The following ALPK1 variants were observed in gnomAD, a reference collection of about 807,000 sequenced individuals.
ALPK1 encodes alpha kinase 1, also known as alpha-protein kinase 1.
A neutral mutation model predicts 120.6 loss-of-function variants in ALPK1; 110 were observed. The observed-to-expected ratio is 0.91, with a 90% CI of 0.78 to 1.07. The LOEUF is 1.07. ALPK1 is among the 50% of genes least tolerant of loss of function. The probability of loss-of-function intolerance (pLI) is 0.00; values close to 1 mark genes in which losing one functional copy is unlikely to be tolerated. For missense variants in ALPK1, 1,498 were observed against 1,483.9 expected (o/e 1.01, Z -0.16); for synonymous variants, 582 against 560.3 (o/e 1.04, Z -0.55).
chr4:112,423,778 C>G (rs1270240146), intron 5 of ALPK1, 166 bp from the exon 6 acceptor site: 5 of 742,108 alleles, frequency 6.7e-6, no homozygotes, highest in Non-Finnish European at 1.2e-5. Flanking sequence ...TCTTTCTTTT[C>G]AGTTTTATAG....
chr4:112,437,205 T>G (rs1734823792), intron 12 of ALPK1, among the ~76,000 whole-genome samples: 1 of 152,192 alleles, frequency 6.6e-6, no homozygotes, highest in Non-Finnish European at 1.5e-5. Context: ...TACAGCTGGT[T>G]TCTTCATAGC....
chr4:112,323,988 T>G (rs1242822788), intron 2 of ALPK1, among the ~76,000 whole-genome samples: 1 of 152,196 alleles, frequency 6.6e-6, no homozygotes, highest in Admixed American at 6.5e-5. Context: ...TTGTCTCTAT[T>G]GCAGCCAAGG....
intron 2 of ALPK1, among the ~76,000 whole-genome samples, chr4:112,345,940 T>C (rs1214278028): frequency 6.6e-6 from 1 of 152,242 alleles, no homozygotes; most frequent in Non-Finnish European, 1.5e-5. Flanking sequence ...CTCGGCTCAC[T>C]GCAACCTTTG....
rs796227732 is a variant in ALPK1 at position 112,380,722 on chromosome 4, AG to A, written c.122-1673del. The stretch of plus-strand genomic sequence containing the variant: ...ATAGATGATATAAAAATATTTTCAA[AG>A]GGCCAGCTAGAAGATGAACCTTGTC... On this transcript the variant is annotated intron_variant, in intron 3 of 15. Coordinates refer to ENST00000650871, the MANE Select transcript of ALPK1 (RefSeq NM_025144.4). Among the ~76,000 whole-genome samples the A allele has an allele frequency of 4.6e-5, 7 of 152,266 alleles. 1 individual carries two copies. Among genetic ancestry groups the A allele is most frequent in the African/African-American group, 1.7e-4 (7 of 41,556 alleles).
intron 5 of ALPK1, among the ~76,000 whole-genome samples, chr4:112,423,572 T>G (rs1355852963): frequency 1.3e-5 from 2 of 152,180 alleles, no homozygotes; most frequent in Non-Finnish European, 2.9e-5. Context: ...ATTCCATAAC[T>G]AGTTCCTGTC....
intron 15 of ALPK1, 26 bp downstream of exon 15, chr4:112,441,131 TAATGTGAC>T (rs1560692719): frequency 1.2e-6 from 2 of 1,613,964 alleles, no homozygotes; most frequent in Non-Finnish European, 1.7e-6. Context: ...TATGGATTGG[TAATGTGAC>T]AGACCTTAGT....
At chr4:112,342,067 AT>A (rs1729886361) in intron 2 of ALPK1, among the ~76,000 whole-genome samples, 1 of 152,226 alleles carries the variant, frequency 6.6e-6, no homozygotes, top group African/African-American at 2.4e-5. Flanking sequence ...CATTAAAAAA[AT>A]CATACAGAGA....
chr4:112,301,462 T>C (rs1466110445), intron 1 of ALPK1, among the ~76,000 whole-genome samples: 1 of 152,166 alleles, frequency 6.6e-6, no homozygotes, highest in East Asian at 1.9e-4. Context: ...GTTAATTCCA[T>C]GCTATACAGA....
chr4:112,440,812 AGTGTGTGTGTGTGT>A (rs71595596), intron 14 of ALPK1, 91 bp from the exon 15 acceptor site: 21 of 1,328,080 alleles, frequency 1.6e-5, no homozygotes, highest in Admixed American at 2.9e-5. Context: ...TATCTCTTTA[AGTGTGTGTGTGTGT>A]GTGTGTGTGT....
At chr4:112,379,538 C>G (rs117559596) in intron 3 of ALPK1, among the ~76,000 whole-genome samples, 1 of 152,382 alleles carries the variant, frequency 6.6e-6, no homozygotes, top group East Asian at 1.9e-4. Flanking sequence ...GCAGCCTGCA[C>G]CGGATCCCTT....
chr4:112,398,163 T>C (rs1160921553), intron 4 of ALPK1, among the ~76,000 whole-genome samples: 1 of 152,118 alleles, frequency 6.6e-6, no homozygotes, highest in East Asian at 1.9e-4. Flanking sequence ...ATACAAAGAC[T>C]TGTTGGAGGA....
intron 2 of ALPK1, among the ~76,000 whole-genome samples, chr4:112,330,251 A>T (rs1488291275): frequency 6.6e-6 from 1 of 152,204 alleles, no homozygotes; most frequent in East Asian, 1.9e-4. Flanking sequence ...GTAAATGCAG[A>T]CTTATTTTTG....
chr4:112,353,741 G>A (rs1226576455), intron 2 of ALPK1, among the ~76,000 whole-genome samples: 1 of 151,982 alleles, frequency 6.6e-6, no homozygotes. Flanking sequence ...TGGCAGTGCA[G>A]GCCTGTAATC....
chr4:112,372,248 C>G (rs957949488), intron 2 of ALPK1, among the ~76,000 whole-genome samples: 1 of 147,518 alleles, frequency 6.8e-6, no homozygotes, highest in Non-Finnish European at 1.5e-5. Flanking sequence ...GAGTCTTGCT[C>G]TGTCGCTCAG....
chr4:112,326,247 C>T (rs1422079739), intron 2 of ALPK1, among the ~76,000 whole-genome samples: 4 of 152,148 alleles, frequency 2.6e-5, no homozygotes, highest in Non-Finnish European at 5.9e-5. Context: ...TTGCTGTACA[C>T]CTGATTAAAT....
chr4:112,400,645 C>G (rs1189196506), intron 4 of ALPK1, among the ~76,000 whole-genome samples: 1 of 152,016 alleles, frequency 6.6e-6, no homozygotes, highest in Non-Finnish European at 1.5e-5. Flanking sequence ...ATTTGGGATG[C>G]CAGTAAATAA....
At chr4:112,375,678 A>C (rs920826565) in intron 2 of ALPK1, among the ~76,000 whole-genome samples, 1 of 152,096 alleles carries the variant, frequency 6.6e-6, no homozygotes, top group African/African-American at 2.4e-5. Flanking sequence ...CCATATCAGC[A>C]ATAAGGCTGT....
chr4:112,340,637 C>A (rs1729820783), intron 2 of ALPK1, among the ~76,000 whole-genome samples: 1 of 152,132 alleles, frequency 6.6e-6, no homozygotes, highest in South Asian at 2.1e-4. Context: ...AGTAGATTCC[C>A]CCCTCAACCC....
At chr4:112,440,381 G>T (rs1355879700) in intron 14 of ALPK1, among the ~76,000 whole-genome samples, 1 of 151,860 alleles carries the variant, frequency 6.6e-6, no homozygotes, top group Non-Finnish European at 1.5e-5. Flanking sequence ...AGTTTGTCTG[G>T]TATTTTATTC....
Sources: allele counts gnomAD v4.1 joint callset (sites outside exome capture counted in the v4.1 genomes callset), GRCh38; gene constraint gnomAD v4.1.1; transcripts MANE v1.5; gene names NCBI Gene and HGNC (gene_info 2026-07-23, HGNC 2026-07-21).